The following ATP13A5 variants were observed in gnomAD, a reference collection of about 807,000 sequenced individuals.
ATP13A5 encodes probable cation-transporting ATPase 13A5.
A neutral mutation model predicts 150.2 loss-of-function variants in ATP13A5; 149 were observed. The observed-to-expected ratio is 0.99, with a 90% CI of 0.87 to 1.14. The LOEUF is 1.14. Ranked by LOEUF, ATP13A5 falls within the 50% of genes most tolerant of loss-of-function variation. The pLI is 0.00. For missense variants in ATP13A5, 1,383 were observed against 1,449.3 expected (o/e 0.95, Z 0.74); for synonymous variants, 497 against 522.2 (o/e 0.95, Z 0.66).
rs748755390 is a variant in ATP13A5 at position 193,299,158 on chromosome 3, C to A, written c.2821G>T (p.Ala941Ser). 2.5e-6 allele frequency: 4 copies of A among 1,610,140 alleles called. No homozygotes were observed. The South Asian group carries it at 4.4e-5, about 18-fold the overall frequency. Reference sequence around the variant, plus strand: ...GTTAAACAGACCATCAAAGTAATGGCTACATCTTGCATGAGATACTGGTAA... The same window carrying A: ...GTTAAACAGACCATCAAAGTAATGGATACATCTTGCATGAGATACTGGTAA... ...GNYQYLMQDVAITLMVCLTMS... is the reference protein window; with the variant it reads ...GNYQYLMQDVSITLMVCLTMS... The change falls in exon 25 of 30, where the codon GCC becomes TCC. Residue 941 changes from alanine to serine, a missense_variant. By Grantham distance (99) the Ala-to-Ser change is moderately conservative. This residue lies in a region of ATP13A5 where 568 missense variants were observed against 621.5 expected (regional missense o/e 0.91). Transcript: ENST00000342358.
intron 24 of ATP13A5, 22 bp from the exon 25 acceptor site, chr3:193,299,225 A>T: frequency 6.3e-7 from 1 of 1,585,318 alleles, no homozygotes; most frequent in Non-Finnish European, 8.6e-7. Flanking sequence ...ACAAAAGCAA[A>T]TATAAATGTG....
chr3:193,333,839 A>G lies in ATP13A5; in HGVS notation c.1183T>C (p.Tyr395His), dbSNP rs369843155. ...ACGATGAACTTGAAGGCATCGCTGT[A>G]TAGTTTGAAGTTCAGAGGCCGGGGG... Reference protein sequence around the residue: ...LYPRPLNFKLYSDAFKFIVFL... With the variant: ...LYPRPLNFKLHSDAFKFIVFL... The change falls in exon 11 of 30, where the codon TAC becomes CAC. Residue 395 changes from tyrosine to histidine, a missense_variant. Around this residue, in one of 3 missense-constraint regions of ATP13A5, gnomAD observed 787 missense variants for 771.9 expected, o/e 1.02. Transcript: ENST00000342358. 2.5e-6 allele frequency: 4 copies of G among 1,613,978 alleles called. No homozygotes were observed. The highest frequency in any genetic ancestry group is 2.5e-6 in the Non-Finnish European group (3 of 1,179,874).
intron 21 of ATP13A5, among the ~76,000 whole-genome samples, chr3:193,310,113 C>T (rs1160306848): frequency 6.6e-6 from 1 of 152,158 alleles, no homozygotes; most frequent in Non-Finnish European, 1.5e-5. Flanking sequence ...TAAGTGAGAA[C>T]ACAGTATTTG....
At chr3:193,301,369 T>C in intron 23 of ATP13A5, 62 bp from the exon 24 acceptor site, 1 of 1,277,592 alleles carries the variant, frequency 7.8e-7, no homozygotes, top group African/African-American at 1.5e-5. Flanking sequence ...CCAACTTCTT[T>C]TATACTTAAA....
intron 7 of ATP13A5, among the ~76,000 whole-genome samples, chr3:193,347,178 A>C (rs1216375256): frequency 6.6e-6 from 1 of 152,218 alleles, no homozygotes; most frequent in Non-Finnish European, 1.5e-5. Context: ...AGAAATACAC[A>C]TGGTATATAA....
intron 27 of ATP13A5, among the ~76,000 whole-genome samples, chr3:193,283,559 T>C (rs1717593167): frequency 1.3e-5 from 2 of 152,178 alleles, no homozygotes; most frequent in African/African-American, 2.4e-5. Flanking sequence ...TAAAATCTTA[T>C]CAGACCAGCA....
chr3:193,284,730 C>G (rs1717645233), intron 27 of ATP13A5, among the ~76,000 whole-genome samples, 184 bp downstream of exon 27: 2 of 152,224 alleles, frequency 1.3e-5, no homozygotes, highest in Non-Finnish European at 2.9e-5. Flanking sequence ...CTGTGCTTAT[C>G]TGCAAACAAG....
chr3:193,331,531 C>T (rs1711629942), intron 11 of ATP13A5, among the ~76,000 whole-genome samples: 2 of 152,198 alleles, frequency 1.3e-5, no homozygotes, highest in Admixed American at 1.3e-4. Context: ...CTCTCCCCCA[C>T]TAGCCTACAA....
intron 8 of ATP13A5, 73 bp downstream of exon 8, chr3:193,344,930 T>C: frequency 7.3e-7 from 1 of 1,379,156 alleles, no homozygotes; most frequent in Non-Finnish European, 1.0e-6. Flanking sequence ...CCTTGACTAA[T>C]AATTAAGGAC....
chr3:193,301,488 T>G (rs1718394051), intron 23 of ATP13A5, among the ~76,000 whole-genome samples, 181 bp from the exon 24 acceptor site: 1 of 152,222 alleles, frequency 6.6e-6, no homozygotes, highest in Non-Finnish European at 1.5e-5. Flanking sequence ...ATCATTACCT[T>G]ACTCATCGGT....
chr3:193,357,952 T>G (rs1453209245), intron 5 of ATP13A5, among the ~76,000 whole-genome samples: 2 of 135,818 alleles, frequency 1.5e-5, no homozygotes, highest in Admixed American at 7.3e-5. Flanking sequence ...CCATGTCCCT[T>G]TTCATTTGTT....
chr3:193,345,186 C>A, intron 7 of ATP13A5, 111 bp from the exon 8 acceptor site: 4 of 988,010 alleles, frequency 4.0e-6, no homozygotes, highest in Admixed American at 1.9e-5. Flanking sequence ...TGACTCTGGG[C>A]AAAGGACTCA....
intron 29 of ATP13A5, among the ~76,000 whole-genome samples, 163 bp downstream of exon 29, chr3:193,276,587 T>A (rs1397028029): frequency 6.6e-6 from 1 of 152,100 alleles, no homozygotes; most frequent in Non-Finnish European, 1.5e-5. Context: ...TTTAAATCAT[T>A]CCCCCCAAAA....
At chr3:193,342,170 A>T (rs1017361696) in intron 9 of ATP13A5, among the ~76,000 whole-genome samples, 1 of 152,260 alleles carries the variant, frequency 6.6e-6, no homozygotes, top group Non-Finnish European at 1.5e-5. Context: ...GTAAGTTGCT[A>T]TAGAGATGCT....
chr3:193,328,811 C>T (rs1342067076), intron 12 of ATP13A5, among the ~76,000 whole-genome samples: 4 of 152,018 alleles, frequency 2.6e-5, no homozygotes, highest in African/African-American at 4.8e-5. Context: ...CAGATATCTC[C>T]GAAACTGGAA....
chr3:193,328,647 G>T (rs935007153), intron 12 of ATP13A5, among the ~76,000 whole-genome samples: 12 of 152,166 alleles, frequency 7.9e-5, no homozygotes, highest in African/African-American at 2.9e-4. Flanking sequence ...GTTCTAAGGG[G>T]AATAAGATAG....
In ATP13A5 at chr3:193,345,063, G is replaced by A. The variant is rs1176275804; in HGVS notation, c.754C>T (p.Leu252=). 1 of 1,613,468 alleles carries A rather than the reference G, an allele frequency of 6.2e-7. No homozygotes were observed. The highest frequency in any genetic ancestry group is 8.5e-7 in the Non-Finnish European group (1 of 1,179,526). The change falls in exon 8 of 30, where the codon CTG becomes TTG. Residue 252 remains leucine (L), a synonymous_variant. Coordinates refer to ENST00000342358, the MANE Select transcript of ATP13A5 (RefSeq NM_198505.4). Reference sequence around the variant, plus strand: ...TTGTGGTCCTCCACGAGGTTATGCAGCTTAACTGATTGCTACCAAGTAAAA... The same window carrying A: ...TTGTGGTCCTCCACGAGGTTATGCAACTTAACTGATTGCTACCAAGTAAAA... ...VYDLRQQSVK[L]HNLVEDHNKV...
intron 25 of ATP13A5, among the ~76,000 whole-genome samples, chr3:193,291,451 A>G (rs910448860): frequency 1.3e-5 from 2 of 152,016 alleles, no homozygotes; most frequent in African/African-American, 4.8e-5. Context: ...TATTTTTCTT[A>G]TGCACGGTGG....
chr3:193,281,277 A>G (rs368487155), intron 27 of ATP13A5: 77 of 880,234 alleles, frequency 8.7e-5, no homozygotes, highest in Non-Finnish European at 9.5e-5. Context: ...CTCACTAGCA[A>G]CTGGGGCTGA....
Sources: allele counts gnomAD v4.1 joint callset (sites outside exome capture counted in the v4.1 genomes callset), GRCh38; gene constraint gnomAD v4.1.1; regional missense constraint gnomAD v4.1.1; transcripts MANE v1.5; gene names NCBI Gene and HGNC (gene_info 2026-07-23, HGNC 2026-07-21).